The following RARB variants were observed in gnomAD, a reference collection of about 807,000 sequenced individuals.
The protein encoded by RARB is HBV-activated protein.
Under a neutral mutation model 51.9 loss-of-function variants are expected in RARB, and 17 were observed. The observed-to-expected ratio is 0.33, with a 90% CI of 0.22 to 0.49. The LOEUF is 0.49. Ranked by LOEUF, RARB falls within the 20% of genes least tolerant of loss-of-function variation. The pLI is 0.99. For missense variants in RARB, 369 were observed against 550.8 expected (o/e 0.67, Z 3.30); for synonymous variants, 215 against 195.4 (o/e 1.10, Z -0.84).
chr3:25,132,899 C>G (rs921633773), intron 4 of RARB, among the ~76,000 whole-genome samples: 2 of 150,534 alleles, frequency 1.3e-5, no homozygotes, highest in Non-Finnish European at 3.0e-5. Context: ...AAAATTAAAG[C>G]CTTTGGAAAA....
At chr3:25,200,964 T>C (rs112987552) in intron 5 of RARB, among the ~76,000 whole-genome samples, 2 of 152,216 alleles carry the variant, frequency 1.3e-5, no homozygotes, top group African/African-American at 2.4e-5. Flanking sequence ...AGTAGTTTTT[T>C]CCAATTCTGT....
intron 2 of RARB, among the ~76,000 whole-genome samples, chr3:24,914,244 C>T (rs887846914): frequency 2.6e-5 from 4 of 152,188 alleles, no homozygotes; most frequent in African/African-American, 9.7e-5. Flanking sequence ...ATGCTCAAAT[C>T]TCTTGATGAG....
chr3:24,868,329 A>C (rs1212763130), intron 2 of RARB, among the ~76,000 whole-genome samples: 1 of 152,190 alleles, frequency 6.6e-6, no homozygotes, highest in African/African-American at 2.4e-5. Flanking sequence ...ATGATGCCAA[A>C]CTTACTTAGT....
chr3:25,512,656 C>T (rs538236234), intron 3 of RARB, among the ~76,000 whole-genome samples: 1 of 152,352 alleles, frequency 6.6e-6, no homozygotes, highest in South Asian at 2.1e-4. Context: ...CTCCTTGAAG[C>T]CACCTTCTTC....
intron 1 of RARB, among the ~76,000 whole-genome samples, chr3:24,841,478 G>A (rs991098874): frequency 2.0e-5 from 3 of 152,134 alleles, no homozygotes; most frequent in Non-Finnish European, 4.4e-5. Context: ...TTGCAGTTTT[G>A]AAATCCCATA....
At chr3:24,859,259 G>T (rs1489552746) in intron 2 of RARB, among the ~76,000 whole-genome samples, 1 of 151,990 alleles carries the variant, frequency 6.6e-6, no homozygotes, top group Admixed American at 6.6e-5. Context: ...AAACAAGGTG[G>T]TTCTGGGAGC....
chr3:25,569,589 G>A (rs1478856297), intron 3 of RARB, among the ~76,000 whole-genome samples, 169 bp from the exon 4 acceptor site: 6 of 152,142 alleles, frequency 3.9e-5, no homozygotes, highest in African/African-American at 9.7e-5. Flanking sequence ...GGGGTCCCGC[G>A]GCTGCCAAAT....
At position 24,998,492 on chromosome 3, in the gene RARB, T is replaced by TA. The variant is rs573159333; in HGVS notation, c.-379-61622dup. 9.8e-3 allele frequency among the ~76,000 whole-genome samples: 1,445 copies of TA among 147,228 alleles called. 11 individuals are homozygous for TA. The highest frequency in any genetic ancestry group is 0.026 in the African/African-American group (1,057 of 40,516). ...CTGACAGAAATGTTCCTTGCTGCCT[T>TA]AAAAAAAAAAATGGAGTTTTTGCAG... is the stretch of plus-strand genomic sequence containing the variant. On this transcript the variant is annotated intron_variant, in intron 2 of 11. Transcript: ENST00000383772.
intron 5 of RARB, among the ~76,000 whole-genome samples, chr3:25,202,166 G>T (rs571727146): frequency 3.9e-5 from 6 of 152,130 alleles, no homozygotes; most frequent in Non-Finnish European, 5.9e-5. Flanking sequence ...GTCTTGGGAG[G>T]GTGTATGTGT....
intron 4 of RARB, among the ~76,000 whole-genome samples, chr3:25,153,108 T>A (rs971149820): frequency 2.0e-5 from 3 of 150,456 alleles, no homozygotes; most frequent in Non-Finnish European, 4.4e-5. Flanking sequence ...ACATTCATAA[T>A]CCAAACCAAC....
At chr3:25,240,444 G>A (rs1389763407) in intron 5 of RARB, among the ~76,000 whole-genome samples, 1 of 152,028 alleles carries the variant, frequency 6.6e-6, no homozygotes, top group Non-Finnish European at 1.5e-5. Flanking sequence ...TTTCCATTTA[G>A]TATAATGTTA....
chr3:24,856,652 C>T (rs1702640188), intron 1 of RARB, among the ~76,000 whole-genome samples: 1 of 152,184 alleles, frequency 6.6e-6, no homozygotes, highest in Non-Finnish European at 1.5e-5. Context: ...TAAACCATTC[C>T]TCAACATGTT....
At chr3:25,440,671 G>A (rs1021656993) in intron 1 of RARB, among the ~76,000 whole-genome samples, 1 of 151,892 alleles carries the variant, frequency 6.6e-6, no homozygotes, top group Non-Finnish European at 1.5e-5. Context: ...TGCTCAGGAG[G>A]CTGAGGCAGG....
At chr3:25,139,450 A>C (rs1290060977) in intron 4 of RARB, among the ~76,000 whole-genome samples, 3 of 152,210 alleles carry the variant, frequency 2.0e-5, no homozygotes, top group Admixed American at 6.5e-5. Flanking sequence ...AGATCAAACC[A>C]GTCACAACAT....
At chr3:25,304,638 C>T (rs1272105464) in intron 5 of RARB, among the ~76,000 whole-genome samples, 1 of 152,240 alleles carries the variant, frequency 6.6e-6, no homozygotes, top group Non-Finnish European at 1.5e-5. Flanking sequence ...CTGATTCCGA[C>T]TTCCACCACT....
intron 5 of RARB, among the ~76,000 whole-genome samples, chr3:25,200,528 C>T (rs538075494): frequency 1.3e-5 from 2 of 152,100 alleles, no homozygotes; most frequent in African/African-American, 2.4e-5. Flanking sequence ...ATGTCTATGT[C>T]CTGAATGGTA....
At chr3:25,228,925 T>C (rs1245851263) in intron 5 of RARB, among the ~76,000 whole-genome samples, 1 of 152,124 alleles carries the variant, frequency 6.6e-6, no homozygotes. Flanking sequence ...TTTCTCTTTT[T>C]TCCTTGTTTC....
intron 2 of RARB, among the ~76,000 whole-genome samples, chr3:25,047,013 A>G (rs773011406): frequency 7.9e-5 from 12 of 151,952 alleles, no homozygotes; most frequent in Admixed American, 1.3e-4. Context: ...TTTTTCTTCA[A>G]ATTTATTTGT....
chr3:25,363,555 G>A (rs1364786840), intron 5 of RARB, among the ~76,000 whole-genome samples: 9 of 152,028 alleles, frequency 5.9e-5, no homozygotes, highest in African/African-American at 1.9e-4. Context: ...GATCTAAGAG[G>A]AAATTCTATT....
Sources: allele counts gnomAD v4.1 joint callset (sites outside exome capture counted in the v4.1 genomes callset), GRCh38; gene constraint gnomAD v4.1.1; transcripts MANE v1.5; gene names NCBI Gene and HGNC (gene_info 2026-07-23, HGNC 2026-07-21).